Variants in BANK1 observed in about 807,000 individuals in gnomAD.
BANK1 encodes the protein B cell scaffold protein with ankyrin repeats 1.
A neutral mutation model predicts 94.5 loss-of-function variants in BANK1; 95 were observed. The ratio of observed to expected loss-of-function variants is 1.00; its 90% CI spans 0.85 to 1.19. The LOEUF is 1.19. Ranked by LOEUF, BANK1 falls within the 50% of genes most tolerant of loss-of-function variation. The pLI is 0.00. For synonymous variants in BANK1, 334 were observed against 308.4 expected (o/e 1.08, Z -0.87); for missense variants, 987 against 932.2 (o/e 1.06, Z -0.77).
chr4:102,047,756 T>A (rs1030555735), intron 11 of BANK1, among the ~76,000 whole-genome samples: 3 of 151,914 alleles, frequency 2.0e-5, no homozygotes, highest in Non-Finnish European at 4.4e-5. Context: ...ATGACGAGTA[T>A]CAAGTGTAAT....
chr4:101,978,128 A>G lies in BANK1; in HGVS notation c.1207-43386A>G, dbSNP rs868592192. Among the ~76,000 whole-genome samples, 47 of 151,334 alleles carry G rather than the reference A, an allele frequency of 3.1e-4. No individual in the cohort carries two copies. The Middle Eastern group carries it at 0.01, about 33-fold the overall frequency. On this transcript the variant is annotated intron_variant, in intron 7 of 16. Coordinates refer to ENST00000322953, the MANE Select transcript of BANK1 (RefSeq NM_017935.5). ...ATTTTCCAAAACATTTTTGAAAGTA[A>G]TAATAAAAAAGTAGGTACTTAAAAA...
At chr4:101,901,214 T>C (rs373367884) in intron 6 of BANK1, among the ~76,000 whole-genome samples, 3 of 152,346 alleles carry the variant, frequency 2.0e-5, no homozygotes, top group African/African-American at 7.2e-5. Flanking sequence ...ATAGGTATTA[T>C]TTATAGAGCA....
At chr4:101,921,234 T>C (rs1448586559) in intron 7 of BANK1, among the ~76,000 whole-genome samples, 1 of 151,996 alleles carries the variant, frequency 6.6e-6, no homozygotes, top group Non-Finnish European at 1.5e-5. Flanking sequence ...TCTACTCATT[T>C]TTCAGTTTCT....
chr4:102,020,453 C>G lies in BANK1; in HGVS notation c.1207-1061C>G, dbSNP rs915565085. The stretch of plus-strand genomic sequence containing the variant: ...ATTGCATCAGGCTCAGTAAAAAATA[C>G]TGAAAATATTTCATTTTCAAAATTC... On this transcript the variant is annotated intron_variant, in intron 7 of 16. Transcript: ENST00000322953. Among the ~76,000 whole-genome samples the G allele has an allele frequency of 7.2e-5, 11 of 152,076 alleles. No homozygotes were observed. The East Asian group carries it at 2.1e-3, about 29-fold the overall frequency.
intron 7 of BANK1, among the ~76,000 whole-genome samples, chr4:101,943,321 C>G (rs994647873): frequency 6.6e-6 from 1 of 151,860 alleles, no homozygotes; most frequent in Non-Finnish European, 1.5e-5. Context: ...AACATCCTAG[C>G]CACAGGATGG....
intron 7 of BANK1, among the ~76,000 whole-genome samples, chr4:101,967,074 T>C (rs1210839591): frequency 6.6e-6 from 1 of 152,112 alleles, no homozygotes; most frequent in African/African-American, 2.4e-5. Context: ...CTTACTGTAT[T>C]CAAGGTAATA....
rs1166018412 is a variant in BANK1 at position 101,986,899 on chromosome 4, G to GTATATATATATATATA, written c.1207-34598_1207-34583dup. 5.2e-3 allele frequency among the ~76,000 whole-genome samples: 426 copies of GTATATATATATATATA among 82,640 alleles called. 50 individuals are homozygous for GTATATATATATATATA. The highest frequency in any genetic ancestry group is 0.024 in the African/African-American group (366 of 15,538). The allele number at this position is 82,640 out of a possible 152,430, so 54.2% of individuals were successfully genotyped here. A position where few individuals can be genotyped will look rare whatever the true frequency, so the allele number is the denominator to read the frequency against. ...TGTGTGTGTGTGTGTGTGTGTGTGTGTATATATATATATATATATATATAT... is the reference window on the plus strand; with the variant it reads ...TGTGTGTGTGTGTGTGTGTGTGTGTGTATATATATATATATATATATATATATATATATATATATAT... On this transcript the variant is annotated intron_variant, in intron 7 of 16. Coordinates refer to ENST00000322953, the MANE Select transcript of BANK1 (RefSeq NM_017935.5).
intron 7 of BANK1, among the ~76,000 whole-genome samples, chr4:101,988,091 T>C (rs1257240506): frequency 6.6e-6 from 1 of 152,204 alleles, no homozygotes; most frequent in Middle Eastern, 3.2e-3. Flanking sequence ...GCCCCTGAGA[T>C]GTTTGTGGTT....
intron 7 of BANK1, among the ~76,000 whole-genome samples, chr4:101,919,361 C>G (rs755744374): frequency 6.6e-6 from 1 of 151,914 alleles, no homozygotes; most frequent in Non-Finnish European, 1.5e-5. Flanking sequence ...CCACTTCTTG[C>G]TCTCCAGTAA....
rs77644269 is a variant in BANK1, at chr4:101,825,193, G to T, written c.71-4615G>T. Among the ~76,000 whole-genome samples, 1,202 of 152,088 alleles carry T rather than the reference G, an allele frequency of 7.9e-3. 6 individuals are homozygous for T. The highest frequency in any genetic ancestry group is 0.014 in the Middle Eastern group (4 of 294). On this transcript the variant is annotated intron_variant, in intron 1 of 16. Coordinates refer to ENST00000322953, the MANE Select transcript of BANK1 (RefSeq NM_017935.5). ...CTTTTTATTATGATGCAACTTTCCA[G>T]GAATGGAAATTTTATATTTCTGTGC...
At chr4:101,908,788 C>T (rs533013195) in intron 6 of BANK1, among the ~76,000 whole-genome samples, 18 of 152,282 alleles carry the variant, frequency 1.2e-4, no homozygotes, top group Admixed American at 3.3e-4. Flanking sequence ...TTTATGCAGC[C>T]AACAGACACA....
At chr4:101,988,417 A>G (rs759161720) in intron 7 of BANK1, among the ~76,000 whole-genome samples, 6 of 152,196 alleles carry the variant, frequency 3.9e-5, no homozygotes, top group Non-Finnish European at 8.8e-5. Flanking sequence ...TGGTAGTGTC[A>G]TTAATGTTCT....
chr4:102,028,611 A>G (rs1482184977), intron 9 of BANK1, among the ~76,000 whole-genome samples: 1 of 152,228 alleles, frequency 6.6e-6, no homozygotes, highest in Non-Finnish European at 1.5e-5. Context: ...AATTCAAAAA[A>G]GAATGAAAAT....
intron 2 of BANK1, among the ~76,000 whole-genome samples, chr4:101,845,153 T>G (rs1240042255): frequency 1.3e-5 from 2 of 152,132 alleles, no homozygotes; most frequent in Non-Finnish European, 2.9e-5. Flanking sequence ...TACTATTCCG[T>G]TCCATGATGT....
chr4:101,915,886 C>T (rs943190400), intron 6 of BANK1, among the ~76,000 whole-genome samples: 2 of 151,892 alleles, frequency 1.3e-5, no homozygotes, highest in Non-Finnish European at 2.9e-5. Flanking sequence ...AGAGTAACAC[C>T]TCACATGTTA....
At chr4:101,857,483 T>C (rs2148875405) in intron 3 of BANK1, among the ~76,000 whole-genome samples, 1 of 152,298 alleles carries the variant, frequency 6.6e-6, no homozygotes, top group South Asian at 2.1e-4. Context: ...AGAAATTCTC[T>C]TCTTTCTGCC....
chr4:101,802,456 T>C (rs1725386350), intron 1 of BANK1, among the ~76,000 whole-genome samples: 1 of 152,184 alleles, frequency 6.6e-6, no homozygotes, highest in Non-Finnish European at 1.5e-5. Flanking sequence ...GAGCAACATA[T>C]GGGTAATTAG....
intron 7 of BANK1, among the ~76,000 whole-genome samples, chr4:101,986,855 GTATATATATATGTGTGTA>G (rs1419796704): frequency 0.014 from 1,100 of 79,356 alleles, 63 homozygotes; most frequent in East Asian, 0.082. Flanking sequence ...GTATATATAT[GTATATATATATGTGTGTA>G]TGTGTGTGTG....
At chr4:101,862,708 G>A in intron 4 of BANK1, 44 bp downstream of exon 4, 2 of 1,498,050 alleles carry the variant, frequency 1.3e-6, no homozygotes, top group Admixed American at 2.3e-5. Flanking sequence ...ATTATCCTGA[G>A]TTCCTTCCAA....
Sources: gnomAD v4.1 joint callset for allele counts (sites outside exome capture counted in the v4.1 genomes callset) on GRCh38, gnomAD v4.1.1 for gene constraint, MANE v1.5 for transcripts, NCBI Gene and HGNC (gene_info 2026-07-23, HGNC 2026-07-21) for gene names.